Variants in H6PD observed in about 807,000 individuals in gnomAD.
H6PD encodes the protein hexose-6-phosphate dehydrogenase/glucose 1-dehydrogenase, also known as GDH/6PGL endoplasmic bifunctional protein.
A neutral mutation model predicts 61.2 loss-of-function variants in H6PD; 48 were observed. The ratio of observed to expected loss-of-function variants is 0.78; its 90% CI spans 0.62 to 1.00. H6PD has a LOEUF of 1.00. Among genes scored for constraint, H6PD ranks in the 50% least tolerant of loss-of-function variants. H6PD has a pLI of 0.00. For synonymous variants in H6PD, 480 were observed against 457.9 expected (o/e 1.05, Z -0.62); for missense variants, 1,093 against 1,065.0 (o/e 1.03, Z -0.37).
chr1:9,253,845 A>G (rs1557743169), intron 3 of H6PD, among the ~76,000 whole-genome samples: 1 of 152,244 alleles, frequency 6.6e-6, no homozygotes, highest in African/African-American at 2.4e-5. Flanking sequence ...CCAGGCTGGT[A>G]GCCCTTCTCT....
At chr1:9,242,794 C>A in intron 1 of H6PD, 1 of 985,446 alleles carries the variant, frequency 1.0e-6, no homozygotes, top group Non-Finnish European at 1.2e-6. Context: ...CAGCTGGCGG[C>A]TCCTCCTTCT....
chr1:9,261,335 ACCAAGTT>A (rs1638282052), intron 3 of H6PD, among the ~76,000 whole-genome samples: 1 of 151,424 alleles, frequency 6.6e-6, no homozygotes, highest in East Asian at 1.9e-4. Flanking sequence ...CCCCCAGCAC[ACCAAGTT>A]CCTTCCTGCC....
At chr1:9,251,290 C>T (rs748989793) in intron 3 of H6PD, among the ~76,000 whole-genome samples, 1 of 152,168 alleles carries the variant, frequency 6.6e-6, no homozygotes, top group Non-Finnish European at 1.5e-5. Context: ...GAACTGAGGT[C>T]TTGGCACCTC....
intron 4 of H6PD, among the ~76,000 whole-genome samples, chr1:9,262,786 C>G (rs1638367624): frequency 6.6e-6 from 1 of 152,172 alleles, no homozygotes; most frequent in Non-Finnish European, 1.5e-5. Flanking sequence ...AGGTAGCAGC[C>G]AGGCAGTAAG....
At position 9,247,083 on chromosome 1, in the gene H6PD, GGTGT is replaced by G; in HGVS notation, c.745+4_745+7del. The G allele has an allele frequency of 6.3e-7, 1 of 1,589,562 alleles. No homozygotes were observed. The highest frequency in any genetic ancestry group is 8.6e-7 in the Non-Finnish European group (1 of 1,157,548). On this transcript the variant is annotated splice_donor_variant and splice_donor_region_variant and intron_variant, in intron 3 of 4. Coordinates refer to ENST00000377403, the MANE Select transcript of H6PD (RefSeq NM_004285.4). LOFTEE classifies it high-confidence loss of function. ...CATGAAAGAGACCGTGGATGCTGAA[GGTGT>G]GTGAGTGGCCCTGCGCACTCGGTCC... is the stretch of plus-strand genomic sequence containing the variant.
At position 9,247,081 on chromosome 1, in the gene H6PD, A is replaced by C. The variant is rs1288458934; in HGVS notation, c.743A>C (p.Glu248Ala). The C allele has an allele frequency of 1.3e-6, 2 of 1,593,988 alleles. No individual in the cohort carries two copies. Among genetic ancestry groups the C allele is most frequent in the Non-Finnish European group, 1.7e-6 (2 of 1,161,726 alleles). The change falls in exon 3 of 5, where the codon GAA becomes GCA. Residue 248 changes from glutamate (E) to alanine (A), a missense_variant and splice_region_variant. Transcript: ENST00000377403. ...ATCATGAAAGAGACCGTGGATGCTGAAGGTGTGTGAGTGGCCCTGCGCACT... is the reference window on the plus strand; with the variant it reads ...ATCATGAAAGAGACCGTGGATGCTGCAGGTGTGTGAGTGGCCCTGCGCACT... ...EIIMKETVDA[E>A]GRTSFYEEYG...
Position 9,241,482 on chromosome 1 carries a change from C to T in H6PD, c.-10-3443C>T, listed in dbSNP as rs998545831. Among the ~76,000 whole-genome samples, 240 of 152,296 alleles carry T rather than the reference C, an allele frequency of 1.6e-3. 2 individuals carry two copies. Among genetic ancestry groups the T allele is most frequent in the Middle Eastern group, 6.8e-3 (2 of 294 alleles). ...GCAGTGGTGCGATCATGGCTCACTG[C>T]AGCCTGGACCTCTCGGGCTCAAGCA... On this transcript the variant is annotated intron_variant, in intron 1 of 4. Transcript: ENST00000377403.
intron 3 of H6PD, among the ~76,000 whole-genome samples, chr1:9,248,558 G>C (rs1398438138): frequency 2.0e-5 from 3 of 152,108 alleles, no homozygotes; most frequent in African/African-American, 7.2e-5. Flanking sequence ...AGCTACTCGG[G>C]GGCAGAGGCG....
Position 9,265,282 on chromosome 1 carries a change from T to A in H6PD, c.*413T>A. On this transcript the variant is annotated 3_prime_UTR_variant, in exon 5 of 5. Transcript: ENST00000377403. Reference sequence around the variant, plus strand: ...TGGGGGAGGTGATCCTTGAACTGGCTCCCGGGGAACATTCAGAGCATGATT... The same window carrying A: ...TGGGGGAGGTGATCCTTGAACTGGCACCCGGGGAACATTCAGAGCATGATT... 1.1e-5 allele frequency: 4 copies of A among 350,034 alleles called. No homozygotes were observed. The highest frequency in any genetic ancestry group is 9.2e-5 in the South Asian group (4 of 43,326). The allele number at this position is 350,034 out of a possible 1,614,324, so 21.7% of individuals were successfully genotyped here. A position where few individuals can be genotyped will look rare whatever the true frequency, so the allele number is the denominator to read the frequency against.
In H6PD at chr1:9,263,884, A is replaced by C; in HGVS notation, c.1391A>C (p.His464Pro). 6.2e-7 allele frequency: 1 copy of C among 1,614,118 alleles called. No homozygotes were observed. The highest frequency in any genetic ancestry group is 8.5e-7 in the Non-Finnish European group (1 of 1,180,012). The change falls in exon 5 of 5, where the codon CAT becomes CCT. Residue 464 changes from histidine (H) to proline (P), a missense_variant. Coordinates refer to ENST00000377403, the MANE Select transcript of H6PD (RefSeq NM_004285.4). Reference protein sequence around the residue: ...ERDAHSVLLSHIFHGRKNFFI... With the variant: ...ERDAHSVLLSPIFHGRKNFFI... The stretch of plus-strand genomic sequence containing the variant: ...GACGCCCACTCCGTCCTCTTATCCC[A>C]TATCTTCCATGGCCGGAAGAATTTC...
chr1:9,259,342 C>T (rs765064758), intron 3 of H6PD, among the ~76,000 whole-genome samples: 1 of 152,144 alleles, frequency 6.6e-6, no homozygotes, highest in Non-Finnish European at 1.5e-5. Flanking sequence ...GTTGTTGTTA[C>T]ACTGGTGTTG....
At position 9,254,944 on chromosome 1, in the gene H6PD, T is replaced by C. The variant is rs1290556103; in HGVS notation, c.746-7115T>C. On this transcript the variant is annotated intron_variant, in intron 3 of 4. Transcript: ENST00000377403. This position sits in a 1 kb window ranked among gnomAD's most constrained non-coding sequence, Gnocchi z 4.6. ...TTGCCTGTTCTGGATATTTTGTACA[T>C]ATAGGATCATACGGTGTGTGGTTTC... Among the ~76,000 whole-genome samples, 1 of 152,216 alleles carries C rather than the reference T, an allele frequency of 6.6e-6. No individual in the cohort carries two copies. Among genetic ancestry groups the C allele is most frequent in the Non-Finnish European group, 1.5e-5 (1 of 68,042 alleles).
At chr1:9,239,192 A>G (rs1006809574) in intron 1 of H6PD, among the ~76,000 whole-genome samples, 1 of 152,030 alleles carries the variant, frequency 6.6e-6, no homozygotes, top group Non-Finnish European at 1.5e-5. Flanking sequence ...GATTACAGGC[A>G]CCCGCCACCA....
chr1:9,257,212 T>C (rs1641547974), intron 3 of H6PD, among the ~76,000 whole-genome samples: 1 of 151,910 alleles, frequency 6.6e-6, no homozygotes, highest in Non-Finnish European at 1.5e-5. Flanking sequence ...GGTTCACAGC[T>C]CACTGCAGCC....
chr1:9,249,759 A>G (rs1258155908), intron 3 of H6PD, among the ~76,000 whole-genome samples: 2 of 152,186 alleles, frequency 1.3e-5, no homozygotes, highest in South Asian at 2.1e-4. Context: ...GCAGGACTGC[A>G]ACTGTCCTGG....
At chr1:9,247,671 C>T (rs925598255) in intron 3 of H6PD, among the ~76,000 whole-genome samples, 1 of 152,178 alleles carries the variant, frequency 6.6e-6, no homozygotes, top group Non-Finnish European at 1.5e-5. Flanking sequence ...CAGGAGGACA[C>T]CGCCTCTCCC....
chr1:9,242,490 A>T, intron 1 of H6PD: 1 of 751,444 alleles, frequency 1.3e-6, no homozygotes, highest in South Asian at 6.0e-5. Context: ...AACATAACAG[A>T]TAAGGGAGGC....
Position 9,245,394 on chromosome 1 carries a change from C to G in H6PD, c.460C>G (p.Arg154Gly), listed in dbSNP as rs376524268. Reference protein sequence around the residue: ...VPPFAYEDIARNINSSCRPGP... With the variant: ...VPPFAYEDIAGNINSSCRPGP... Reference sequence around the variant, plus strand: ...ACCCTTCGCCTATGAAGACATTGCCCGCAACATCAACAGTAGCTGCCGGCC... The same window carrying G: ...ACCCTTCGCCTATGAAGACATTGCCGGCAACATCAACAGTAGCTGCCGGCC... The change falls in exon 2 of 5, where the codon CGC becomes GGC. Residue 154 changes from arginine to glycine, a missense_variant. Coordinates refer to ENST00000377403, the MANE Select transcript of H6PD (RefSeq NM_004285.4). This position sits in a 1 kb window ranked among gnomAD's most constrained non-coding sequence, Gnocchi z 4.8. 6.2e-7 allele frequency: 1 copy of G among 1,614,120 alleles called. No individual in the cohort carries two copies. The highest frequency in any genetic ancestry group is 1.3e-5 in the African/African-American group (1 of 75,054).
intron 3 of H6PD, among the ~76,000 whole-genome samples, chr1:9,247,587 C>T (rs1641221626): frequency 6.6e-6 from 1 of 152,184 alleles, no homozygotes; most frequent in African/African-American, 2.4e-5. Flanking sequence ...CACACACCTC[C>T]CTCCCCTGCC....
Sources: allele counts gnomAD v4.1 joint callset (sites outside exome capture counted in the v4.1 genomes callset), GRCh38; gene constraint gnomAD v4.1.1; non-coding constraint Gnocchi (gnomAD v3.1); transcripts MANE v1.5; gene names NCBI Gene and HGNC (gene_info 2026-07-23, HGNC 2026-07-21).